Variants in SFXN5 observed in about 807,000 individuals in gnomAD.
SFXN5 encodes the protein sideroflexin 5, also known as sideroflexin-5.
In SFXN5, 43 loss-of-function variants were observed where a neutral mutation model predicts 50.2. The observed-to-expected ratio is 0.86, with a 90% CI of 0.67 to 1.11. SFXN5 has a LOEUF of 1.11. Among genes scored for constraint, SFXN5 ranks in the 50% least tolerant of loss-of-function variants. The pLI, the probability that SFXN5 is intolerant of heterozygous loss-of-function variation, is 0.00. For missense variants in SFXN5, 463 were observed against 454.1 expected, an observed-to-expected ratio of 1.02 and a Z score of -0.18; for synonymous variants, 203 against 185.8, an observed-to-expected ratio of 1.09 and a Z score of -0.75.
At chr2:72,959,016 G>T (rs1449506447) in intron 13 of SFXN5, among the ~76,000 whole-genome samples, 7 of 152,068 alleles carry the variant, frequency 4.6e-5, no homozygotes. Context: ...CTAAGAGCCT[G>T]GGTCTCCAGC....
chr2:73,005,905 A>G (rs1674570246), intron 6 of SFXN5, among the ~76,000 whole-genome samples: 2 of 144,736 alleles, frequency 1.4e-5, no homozygotes, highest in African/African-American at 2.6e-5. Flanking sequence ...CCTTTTATTA[A>G]GTCCTAATTG....
At chr2:73,058,449 C>A (rs191458782) in intron 2 of SFXN5, 79 bp downstream of exon 2, 1 of 1,381,182 alleles carries the variant, frequency 7.2e-7, no homozygotes, top group Admixed American at 1.7e-5. Context: ...CCATCCTCAC[C>A]CTCCCTTAAT....
intron 13 of SFXN5, among the ~76,000 whole-genome samples, chr2:72,956,278 A>G (rs946079869): frequency 1.3e-5 from 2 of 152,224 alleles, no homozygotes; most frequent in Non-Finnish European, 2.9e-5. Flanking sequence ...TTCTCACGAC[A>G]TGAGGTTCCC....
intron 9 of SFXN5, among the ~76,000 whole-genome samples, chr2:72,994,596 G>A (rs1672987571): frequency 6.6e-6 from 1 of 152,084 alleles, no homozygotes; most frequent in Non-Finnish European, 1.5e-5. Context: ...GCTCCTGACT[G>A]GTCCCACAGC....
At position 72,983,012 on chromosome 2, in the gene SFXN5, C is replaced by T. The variant is rs1256274696; in HGVS notation, c.625+5246G>A. 2.6e-5 allele frequency among the ~76,000 whole-genome samples: 4 copies of T among 152,206 alleles called. No homozygotes were observed. In the East Asian group the frequency reaches 7.7e-4, roughly 29 times the overall value. ...ATGTCACAGGGCCCAGGACAAGCTG[C>T]CACAGGTGCACACTGCTGCCTCCTG... On this transcript the variant is annotated intron_variant, in intron 10 of 13. Transcript: ENST00000272433.
intron 8 of SFXN5, 60 bp downstream of exon 8, chr2:73,000,371 A>C (rs1673749415): frequency 6.7e-7 from 1 of 1,491,924 alleles, no homozygotes; most frequent in African/African-American, 1.4e-5. Context: ...CGCTGTAGGG[A>C]GGATGACTGG....
chr2:73,045,070 C>A (rs1574216188), intron 2 of SFXN5, among the ~76,000 whole-genome samples: 1 of 152,298 alleles, frequency 6.6e-6, no homozygotes, highest in East Asian at 1.9e-4. Context: ...GAGACCAGGC[C>A]CTGTTCACAG....
chr2:73,044,123 C>T (rs1254978494), intron 2 of SFXN5, among the ~76,000 whole-genome samples: 3 of 152,196 alleles, frequency 2.0e-5, no homozygotes, highest in Non-Finnish European at 4.4e-5. Context: ...TCCAGGGATT[C>T]TCCTGAGTTC....
chr2:72,998,898 G>C (rs1673571942), intron 9 of SFXN5, 51 bp downstream of exon 9: 1 of 1,590,414 alleles, frequency 6.3e-7, no homozygotes, highest in African/African-American at 1.3e-5. Context: ...TGCTGAGCGG[G>C]GTGGCCCCAG....
intron 10 of SFXN5, 116 bp downstream of exon 10, chr2:72,988,142 A>G: frequency 1.1e-6 from 1 of 875,788 alleles, no homozygotes; most frequent in Non-Finnish European, 1.8e-6. Flanking sequence ...CAATTCTCCC[A>G]GCTGGGTGCC....
chr2:72,971,052 A>G (rs1675107116), intron 11 of SFXN5, among the ~76,000 whole-genome samples: 1 of 152,142 alleles, frequency 6.6e-6, no homozygotes, highest in South Asian at 2.1e-4. Context: ...GTGGCGAAAG[A>G]AGGTCTTGTA....
intron 3 of SFXN5, among the ~76,000 whole-genome samples, chr2:73,036,593 G>A (rs540469895): frequency 6.6e-6 from 1 of 152,316 alleles, no homozygotes; most frequent in African/African-American, 2.4e-5. Flanking sequence ...AGGACAGGCA[G>A]CTTCAAGCTA....
In SFXN5 at chr2:72,961,387, T is replaced by G; in HGVS notation, c.828-139A>C. 1 of 535,054 alleles carries G rather than the reference T, an allele frequency of 1.9e-6. No individual in the cohort carries two copies. The highest frequency in any genetic ancestry group is 3.2e-6 in the Non-Finnish European group (1 of 310,654). 33.1% of individuals were successfully genotyped at this position (535,054 alleles called of 1,614,324 possible). On this transcript the variant is annotated intron_variant, in intron 12 of 13. Transcript: ENST00000272433. This position sits in a 1 kb window ranked among gnomAD's most constrained non-coding sequence, Gnocchi z 4.4. ...CAGTGCCAGTGTGCAGCTAAACAGA[T>G]ATAGCAGAGTTCTGTCTTTGGGACC...
At chr2:72,987,396 C>T (rs2105568889) in intron 10 of SFXN5, among the ~76,000 whole-genome samples, 1 of 151,868 alleles carries the variant, frequency 6.6e-6, no homozygotes, top group Middle Eastern at 3.4e-3. Context: ...GCATGAGCTA[C>T]CACACCCAGC....
Position 72,945,017 on chromosome 2 carries a change from C to A in SFXN5, c.*5G>T. The A allele has an allele frequency of 6.2e-7, 1 of 1,613,480 alleles. No homozygotes were observed. Among genetic ancestry groups the A allele is most frequent in the South Asian group, 1.1e-5 (1 of 90,896 alleles). ...AGTGCTCCGTCCCCAGGCCGCTGAC[C>A]ACACTCACAACCCCTTGTTGTACAC... On this transcript the variant is annotated 3_prime_UTR_variant, in exon 14 of 14. Coordinates refer to ENST00000272433, the MANE Select transcript of SFXN5 (RefSeq NM_144579.3). This position sits in a 1 kb window ranked among gnomAD's most constrained non-coding sequence, Gnocchi z 5.8.
At chr2:73,011,841 A>G (rs1306774469) in intron 6 of SFXN5, among the ~76,000 whole-genome samples, 1 of 152,212 alleles carries the variant, frequency 6.6e-6, no homozygotes, top group African/African-American at 2.4e-5. Flanking sequence ...TAAAGATGTA[A>G]ATGTGTGTAG....
intron 9 of SFXN5, among the ~76,000 whole-genome samples, chr2:72,989,217 T>C (rs1672277468): frequency 6.6e-6 from 1 of 152,122 alleles, no homozygotes; most frequent in Non-Finnish European, 1.5e-5. Context: ...CTTCCAGCCA[T>C]GGGGCCTTTG....
intron 2 of SFXN5, among the ~76,000 whole-genome samples, chr2:73,054,372 A>T (rs757905348): frequency 6.6e-6 from 1 of 152,226 alleles, no homozygotes; most frequent in Non-Finnish European, 1.5e-5. Flanking sequence ...TTAAATTAAT[A>T]GTTTTTTTTA....
chr2:73,039,386 T>C (rs1679336596), intron 3 of SFXN5, among the ~76,000 whole-genome samples: 1 of 152,202 alleles, frequency 6.6e-6, no homozygotes, highest in African/African-American at 2.4e-5. Context: ...CTGAGGTGGT[T>C]ATTAACTCCA....
Sources: gnomAD v4.1 joint callset for allele counts (sites outside exome capture counted in the v4.1 genomes callset) on GRCh38, gnomAD v4.1.1 for gene constraint, Gnocchi (gnomAD v3.1) non-coding constraint, MANE v1.5 for transcripts, NCBI Gene and HGNC (gene_info 2026-07-23, HGNC 2026-07-21) for gene names.